The following ANKRD26 variants were observed in gnomAD, a reference collection of about 807,000 sequenced individuals.
ANKRD26 encodes ankyrin repeat domain-containing protein 26.
ANKRD26 carries 141 observed loss-of-function variants against 208.7 expected under a neutral mutation model. That is an observed-to-expected ratio of 0.68 (90% confidence interval 0.59 to 0.78). The LOEUF (loss-of-function observed/expected upper bound fraction) is 0.78. Among genes scored for constraint, ANKRD26 ranks in the 30% least tolerant of loss-of-function variants. The probability of loss-of-function intolerance (pLI) is 0.00; values close to 1 mark genes in which losing one functional copy is unlikely to be tolerated. For synonymous variants in ANKRD26, 636 were observed against 660.4 expected, an observed-to-expected ratio of 0.96 and a Z score of 0.57; for missense variants, 1,889 against 1,938.7, an observed-to-expected ratio of 0.97 and a Z score of 0.48.
chr10:27,063,964 T>C (rs761065006), intron 12 of ANKRD26, 24 bp downstream of exon 12: 2 of 1,568,962 alleles, frequency 1.3e-6, no homozygotes, highest in Non-Finnish European at 8.7e-7. Context: ...CAATGGCTTT[T>C]TAAAAATGAA....
chr10:26,999,477 T>TG (rs1052712551), downstream of ANKRD26, among the ~76,000 whole-genome samples: 1 of 152,154 alleles, frequency 6.6e-6, no homozygotes, highest in Non-Finnish European at 1.5e-5. Flanking sequence ...AATTACTCTC[T>TG]GAACTGGTTC....
chr10:27,046,659 G>T, intron 17 of ANKRD26, 136 bp from the exon 18 acceptor site: 1 of 846,762 alleles, frequency 1.2e-6, no homozygotes, highest in Non-Finnish European at 1.8e-6. Flanking sequence ...TTCTAACAAA[G>T]AATAAAAATA....
At chr10:26,982,926 C>T (rs749766421) in intron 3 of ANKRD26, among the ~76,000 whole-genome samples, 2 of 152,156 alleles carry the variant, frequency 1.3e-5, no homozygotes, top group African/African-American at 4.8e-5. Context: ...CTAGTCGATT[C>T]GTAAGGGCTT....
chr10:27,042,477 G>A (rs904791520), intron 20 of ANKRD26, among the ~76,000 whole-genome samples: 1 of 152,104 alleles, frequency 6.6e-6, no homozygotes, highest in East Asian at 1.9e-4. Flanking sequence ...AAGCTGGCAG[G>A]GCGTGGTGGC....
At chr10:27,023,979 TACACACACACACACAC>T (rs59987738) in intron 28 of ANKRD26, among the ~76,000 whole-genome samples, 1 of 142,156 alleles carries the variant, frequency 7.0e-6, no homozygotes, top group South Asian at 2.3e-4. Context: ...ATTTTATTAC[TACACACACACACACAC>T]ACACACACAC....
intron 4 of ANKRD26, among the ~76,000 whole-genome samples, chr10:27,091,369 T>C (rs932955153): frequency 3.9e-5 from 6 of 152,204 alleles, no homozygotes; most frequent in Non-Finnish European, 8.8e-5. Context: ...TTATCACCCA[T>C]CTATGGCTTG....
intron 5 of ANKRD26, among the ~76,000 whole-genome samples, chr10:27,085,109 T>G (rs1490094551): frequency 1.4e-5 from 2 of 146,742 alleles, no homozygotes; most frequent in African/African-American, 2.5e-5. Flanking sequence ...TTTTTGTTTG[T>G]TTTTTTTTTG....
intron 32 of ANKRD26, among the ~76,000 whole-genome samples, chr10:27,007,199 CATAT>C (rs2052919950): frequency 6.6e-6 from 1 of 152,092 alleles, no homozygotes; most frequent in Non-Finnish European, 1.5e-5. Context: ...TGGTCTACTG[CATAT>C]ATATAATGTC....
chr10:27,037,316 T>A lies in ANKRD26; in HGVS notation c.2567A>T (p.Gln856Leu). Residue 856 changes from glutamine (Q) to leucine (L), a missense_variant, in exon 23 of 34, where the codon CAA (glutamine) becomes CTA (leucine). By Grantham distance (113) the Gln-to-Leu change is moderately radical. Transcript: ENST00000376087. ...TVKSNLNQVV[Q>L]ERNDAQRQLS... ...TTGCCTCTGAGCGTCATTTCGCTCT[T>A]GAACGACCTAGAGATACATTAAGTT... 1 of 1,613,862 alleles carries A rather than the reference T, an allele frequency of 6.2e-7. No homozygotes were observed. Among genetic ancestry groups the A allele is most frequent in the Admixed American group, 1.7e-5 (1 of 60,028 alleles).
chr10:27,087,655 T>C (rs146008553), intron 4 of ANKRD26, among the ~76,000 whole-genome samples: 6 of 152,332 alleles, frequency 3.9e-5, no homozygotes, highest in African/African-American at 1.4e-4. Flanking sequence ...GGCAGAAAAC[T>C]AACAGATGTT....
chr10:26,959,014 C>T, the ANKRD26 span, among the ~76,000 whole-genome samples: 1 of 151,962 alleles, frequency 6.6e-6, no homozygotes, highest in African/African-American at 2.4e-5. Flanking sequence ...GATGGTATCT[C>T]TTTGTGGTTT....
At position 27,040,009 on chromosome 10, in the gene ANKRD26, T is replaced by C. The variant is rs1297900437; in HGVS notation, c.2331A>G (p.Leu777=). ...GTTCCCATTCAACTTTTTGATGCTC[T>C]AACTGTGATTTTATTTCTTTTGTTT... ...LSETKEIKSQ[L]EHQKVEWERE... is the part of the protein sequence containing the mutation. The change falls in exon 21 of 34, where the codon TTA becomes TTG. Residue 777 remains leucine (L), a synonymous_variant. Transcript: ENST00000376087. The C allele has an allele frequency of 1.2e-6, 2 of 1,613,704 alleles. No individual in the cohort carries two copies.
At chr10:27,082,688 T>G in intron 6 of ANKRD26, 115 bp downstream of exon 6, 1 of 1,413,586 alleles carries the variant, frequency 7.1e-7, no homozygotes, top group East Asian at 2.6e-5. Context: ...GCAAAGCTGT[T>G]GGGACGACTA....
At chr10:27,014,071 G>C (rs2053208447) in intron 31 of ANKRD26, among the ~76,000 whole-genome samples, 2 of 152,262 alleles carry the variant, frequency 1.3e-5, no homozygotes, top group Admixed American at 1.3e-4. Flanking sequence ...GTTCATTTAT[G>C]GAGTGCCAGA....
intron 25 of ANKRD26, among the ~76,000 whole-genome samples, chr10:27,029,875 G>GA (rs1208677238): frequency 6.6e-6 from 1 of 152,130 alleles, no homozygotes; most frequent in Non-Finnish European, 1.5e-5. Flanking sequence ...ACAGAAGCGG[G>GA]AATGGCCGGG....
intron 11 of ANKRD26, among the ~76,000 whole-genome samples, chr10:27,065,681 ATACTT>A (rs1477997908): frequency 6.6e-6 from 1 of 150,438 alleles, no homozygotes; most frequent in African/African-American, 2.4e-5. Flanking sequence ...ATATATATTA[ATACTT>A]TAAAGTACCA....
intron 16 of ANKRD26, among the ~76,000 whole-genome samples, chr10:27,050,481 T>C (rs758322203): frequency 4.6e-5 from 7 of 152,164 alleles, no homozygotes; most frequent in Non-Finnish European, 1.0e-4. Flanking sequence ...TGAAAGTACA[T>C]GTATTTGTTG....
At chr10:27,077,266 A>C in intron 9 of ANKRD26, 72 bp downstream of exon 9, 909 of 1,082,738 alleles carry the variant, frequency 8.4e-4, no homozygotes, top group Non-Finnish European at 1.2e-3. Context: ...TCATCTCAAT[A>C]GATGCATCAT....
chr10:27,092,315 GT>G, intron 4 of ANKRD26, 90 bp downstream of exon 4: 1 of 942,268 alleles, frequency 1.1e-6, no homozygotes, highest in Non-Finnish European at 1.7e-6. Flanking sequence ...GAACAAGCAG[GT>G]TTAAAAAACC....
Sources: allele counts gnomAD v4.1 joint callset (sites outside exome capture counted in the v4.1 genomes callset), GRCh38; gene constraint gnomAD v4.1.1; transcripts MANE v1.5; gene names NCBI Gene and HGNC (gene_info 2026-07-23, HGNC 2026-07-21).